The following PGM1 variants were observed in gnomAD, a reference collection of about 807,000 sequenced individuals.
PGM1 encodes phosphoglucomutase-1.
PGM1 carries 52 observed loss-of-function variants against 55.6 expected under a neutral mutation model. The ratio of observed to expected loss-of-function variants is 0.94; its 90% CI spans 0.75 to 1.18. The LOEUF (loss-of-function observed/expected upper bound fraction) is 1.18. PGM1 is among the 50% of genes most tolerant of loss of function. The probability of loss-of-function intolerance (pLI) is 0.00; values close to 1 mark genes in which losing one functional copy is unlikely to be tolerated. For synonymous variants in PGM1, 287 were observed against 271.7 expected, an observed-to-expected ratio of 1.06 and a Z score of -0.55; for missense variants, 724 against 729.3, an observed-to-expected ratio of 0.99 and a Z score of 0.08.
chr1:63,616,060 T>A (rs1347605580), intron 1 of PGM1, among the ~76,000 whole-genome samples: 1 of 151,982 alleles, frequency 6.6e-6, no homozygotes, highest in Non-Finnish European at 1.5e-5. Flanking sequence ...ATAAAGCGAT[T>A]CCTTAACTGG....
At chr1:63,609,426 G>A (rs571414365) in intron 1 of PGM1, among the ~76,000 whole-genome samples, 2 of 152,280 alleles carry the variant, frequency 1.3e-5, no homozygotes, top group African/African-American at 2.4e-5. Flanking sequence ...AGTGGTTGGG[G>A]GTACAGGATG....
At chr1:63,637,153 A>G (rs1649387064) in intron 6 of PGM1, among the ~76,000 whole-genome samples, 1 of 152,242 alleles carries the variant, frequency 6.6e-6, no homozygotes, top group Non-Finnish European at 1.5e-5. Flanking sequence ...GTAGGCTGTA[A>G]TATATCTCTA....
At chr1:63,649,131 T>G (rs1359553120) in intron 8 of PGM1, among the ~76,000 whole-genome samples, 3 of 152,198 alleles carry the variant, frequency 2.0e-5, no homozygotes, top group Non-Finnish European at 4.4e-5. Flanking sequence ...CCTAGAAACT[T>G]TTTTTCATAA....
At chr1:63,624,801 T>C (rs1454464367) in intron 1 of PGM1, among the ~76,000 whole-genome samples, 1 of 152,156 alleles carries the variant, frequency 6.6e-6, no homozygotes, top group Non-Finnish European at 1.5e-5. Flanking sequence ...AGAAGCAAAA[T>C]TAAAGCAAAA....
chr1:63,630,211 G>T (rs2100982568), intron 3 of PGM1, 123 bp downstream of exon 3: 1 of 1,010,766 alleles, frequency 9.9e-7, no homozygotes, highest in Non-Finnish European at 1.6e-6. Context: ...TGTAAGCTTT[G>T]CAAGTGTTAG....
At chr1:63,611,668 G>T (rs1025242590) in intron 1 of PGM1, among the ~76,000 whole-genome samples, 1 of 152,150 alleles carries the variant, frequency 6.6e-6, no homozygotes, top group African/African-American at 2.4e-5. Flanking sequence ...ACTTTGGGAG[G>T]CCAAGGCAGG....
rs778888860 is a variant in PGM1 at position 63,659,515 on chromosome 1, G to A, written c.1600-71G>A. 54 of 1,249,410 alleles carry A rather than the reference G, an allele frequency of 4.3e-5. 1 individual carries two copies. In the Middle Eastern group the frequency reaches 5.8e-4, roughly 13 times the overall value. The allele number at this position is 1,249,410 out of a possible 1,614,324, so 77.4% of individuals were successfully genotyped here. A position where few individuals can be genotyped will look rare whatever the true frequency, so the allele number is the denominator to read the frequency against. On this transcript the variant is annotated intron_variant, in intron 10 of 10. Coordinates refer to ENST00000371084, the MANE Select transcript of PGM1 (RefSeq NM_002633.3). Reference sequence around the variant, plus strand: ...GAGACCTGGAAGTAGGCAGTCAGACGTACGGGTTTGGAGCTAAGCATCTGT... The same window carrying A: ...GAGACCTGGAAGTAGGCAGTCAGACATACGGGTTTGGAGCTAAGCATCTGT...
At position 63,638,721 on chromosome 1, in the gene PGM1, C is replaced by A. The variant is rs773677629; in HGVS notation, c.1065C>A (p.Thr355=). ...ASATKIALYE[T]PTGWKFFGNL... Reference sequence around the variant, plus strand: ...CTACAAAGATTGCTTTGTATGAGACCCCAACTGGCTGGAAGTTTTTTGGGA... The same window carrying A: ...CTACAAAGATTGCTTTGTATGAGACACCAACTGGCTGGAAGTTTTTTGGGA... The change falls in exon 7 of 11, where the codon ACC becomes ACA. Residue 355 remains threonine, a synonymous_variant. Coordinates refer to ENST00000371084, the MANE Select transcript of PGM1 (RefSeq NM_002633.3). 6.8e-5 allele frequency: 109 copies of A among 1,613,830 alleles called. No homozygotes were observed. The highest frequency in any genetic ancestry group is 1.3e-4 in the Admixed American group (8 of 59,966).
chr1:63,642,380 A>G (rs1037561609), intron 7 of PGM1, among the ~76,000 whole-genome samples: 3 of 152,250 alleles, frequency 2.0e-5, no homozygotes, highest in African/African-American at 7.2e-5. Context: ...GGTCAGCATT[A>G]CAAACACCAG....
intron 1 of PGM1, among the ~76,000 whole-genome samples, chr1:63,604,917 CTGTGTGTGTGTGTGTGTGTG>C (rs60618789): frequency 2.5e-5 from 3 of 118,786 alleles, no homozygotes; most frequent in Non-Finnish European, 3.5e-5. Flanking sequence ...TTACATAACT[CTGTGTGTGTGTGTGTGTGTG>C]TGTGTGTGTG....
intron 1 of PGM1, among the ~76,000 whole-genome samples, chr1:63,607,900 T>C (rs1648466618): frequency 6.6e-6 from 1 of 152,216 alleles, no homozygotes; most frequent in African/African-American, 2.4e-5. Flanking sequence ...GTAACAAGAT[T>C]TGATCACCCA....
At chr1:63,657,525 GTA>G (rs1649999011) in intron 10 of PGM1, among the ~76,000 whole-genome samples, 2 of 152,144 alleles carry the variant, frequency 1.3e-5, no homozygotes, top group African/African-American at 4.8e-5. Context: ...CCATTTTTAA[GTA>G]TATAGTTTAG....
At chr1:63,656,604 GTGTA>G (rs1245869214) in intron 10 of PGM1, among the ~76,000 whole-genome samples, 4 of 117,940 alleles carry the variant, frequency 3.4e-5, no homozygotes, top group African/African-American at 1.5e-4. Flanking sequence ...GTGTGTGTGT[GTGTA>G]TACCACAATG....
At chr1:63,595,995 C>T (rs1475596042) in intron 1 of PGM1, among the ~76,000 whole-genome samples, 2 of 152,202 alleles carry the variant, frequency 1.3e-5, no homozygotes, top group African/African-American at 4.8e-5. Context: ...GCCCCCTCCA[C>T]TACTCCAGTA....
intron 6 of PGM1, among the ~76,000 whole-genome samples, chr1:63,638,192 TG>T (rs1422308981): frequency 2.0e-5 from 3 of 152,184 alleles, no homozygotes; most frequent in Admixed American, 6.5e-5. Context: ...ACCAGAGAGC[TG>T]AATACTGGGC....
In PGM1 at chr1:63,593,953, T is replaced by C. The variant is rs556619746; in HGVS notation, c.246+219T>C. 18 of 1,206,012 alleles carry C rather than the reference T, an allele frequency of 1.5e-5. No homozygotes were observed. In the East Asian group the frequency reaches 7.2e-4, roughly 48 times the overall value. 74.7% of individuals were successfully genotyped at this position (1,206,012 alleles called of 1,614,324 possible). A position where few individuals can be genotyped will look rare whatever the true frequency, so the allele number is the denominator to read the frequency against. ...TGGCCACGGGACCCGGCAGACCTGCTCGCCTGACTCCCGGGGCGCCGGGAG... is the reference window on the plus strand; with the variant it reads ...TGGCCACGGGACCCGGCAGACCTGCCCGCCTGACTCCCGGGGCGCCGGGAG... On this transcript the variant is annotated intron_variant, in intron 1 of 10. Transcript: ENST00000371084.
In PGM1 at chr1:63,632,320, A is replaced by G. The variant is rs112409872; in HGVS notation, c.682+538A>G. Reference sequence around the variant, plus strand: ...GAGAGGGCAGCTATCACTGTGAACCAGAACCACGAGGGTTTTCTCAGACAT... The same window carrying G: ...GAGAGGGCAGCTATCACTGTGAACCGGAACCACGAGGGTTTTCTCAGACAT... On this transcript the variant is annotated intron_variant, in intron 4 of 10. Transcript: ENST00000371084. Among the ~76,000 whole-genome samples the G allele has an allele frequency of 1.8e-3, 275 of 152,322 alleles. 5 individuals are homozygous for G. Among genetic ancestry groups the G allele is most frequent in the African/African-American group, 6.4e-3 (265 of 41,576 alleles).
chr1:63,639,471 C>T (rs74820512), intron 7 of PGM1, among the ~76,000 whole-genome samples: 5 of 151,884 alleles, frequency 3.3e-5, no homozygotes, highest in South Asian at 2.1e-4. Context: ...AATATTGACC[C>T]GAACTCCCAC....
chr1:63,632,666 A>G (rs1386903064), intron 4 of PGM1, among the ~76,000 whole-genome samples: 2 of 152,222 alleles, frequency 1.3e-5, no homozygotes, highest in South Asian at 2.1e-4. Flanking sequence ...GGAACTGGGC[A>G]GATTACTTTC....
Sources: gnomAD v4.1 joint callset for allele counts (sites outside exome capture counted in the v4.1 genomes callset) on GRCh38, gnomAD v4.1.1 for gene constraint, MANE v1.5 for transcripts, NCBI Gene and HGNC (gene_info 2026-07-23, HGNC 2026-07-21) for gene names.